Variants in ITPR1 observed in about 807,000 individuals in gnomAD.
ITPR1 encodes the protein inositol 1,4,5-trisphosphate-gated calcium channel ITPR1.
Under a neutral mutation model 318.4 loss-of-function variants are expected in ITPR1, and 96 were observed. The ratio of observed to expected loss-of-function variants is 0.30; its 90% CI spans 0.26 to 0.36. The LOEUF (loss-of-function observed/expected upper bound fraction) is 0.36, where lower values mean the gene tolerates loss of function less well. ITPR1 is among the 10% of genes least tolerant of loss of function. ITPR1 has a pLI of 1.00. For synonymous variants in ITPR1, 1,312 were observed against 1,289.9 expected, an observed-to-expected ratio of 1.02 and a Z score of -0.37; for missense variants, 2,440 against 3,460.2, an observed-to-expected ratio of 0.71 and a Z score of 7.40.
chr3:4,613,314 T>C (rs555281930), intron 4 of ITPR1, among the ~76,000 whole-genome samples: 1 of 152,328 alleles, frequency 6.6e-6, no homozygotes, highest in Admixed American at 6.5e-5. Context: ...CAATCAGATA[T>C]ACATTTGTCT....
At chr3:4,691,442 G>T in intron 32 of ITPR1, 98 bp downstream of exon 32, 1 of 779,412 alleles carries the variant, frequency 1.3e-6, no homozygotes. Context: ...CTCTTCAGGA[G>T]CCATACAGAA....
At chr3:4,536,080 C>G (rs2083844375) in intron 4 of ITPR1, among the ~76,000 whole-genome samples, 1 of 152,084 alleles carries the variant, frequency 6.6e-6, no homozygotes, top group Non-Finnish European at 1.5e-5. Context: ...AATTTCAGGA[C>G]AAAGAGGTTT....
chr3:4,834,050 C>T (rs1181949199), intron 60 of ITPR1, among the ~76,000 whole-genome samples: 3 of 152,142 alleles, frequency 2.0e-5, no homozygotes, highest in Non-Finnish European at 4.4e-5. Flanking sequence ...CACCACCACA[C>T]CGAGCTAATT....
chr3:4,813,621 C>A (rs1358064858), intron 57 of ITPR1, among the ~76,000 whole-genome samples: 2 of 151,980 alleles, frequency 1.3e-5, no homozygotes, highest in Non-Finnish European at 2.9e-5. Context: ...AAAGTGATAT[C>A]CAAACTATAA....
intron 4 of ITPR1, among the ~76,000 whole-genome samples, chr3:4,564,821 G>A (rs1024184691): frequency 6.6e-6 from 1 of 152,160 alleles, no homozygotes; most frequent in East Asian, 1.9e-4. Flanking sequence ...CTGAGCGACT[G>A]AGGGTTAGGA....
intron 40 of ITPR1, among the ~76,000 whole-genome samples, 176 bp from the exon 41 acceptor site, chr3:4,725,370 G>T (rs1289007585): frequency 6.6e-6 from 1 of 152,008 alleles, no homozygotes; most frequent in Non-Finnish European, 1.5e-5. Context: ...AGTTTGATTT[G>T]AAGGTATCTG....
rs1192769249 is a variant in ITPR1, at chr3:4,670,707, CCCT to C, written c.2007-14_2007-12del. The C allele has an allele frequency of 5.3e-6, 8 of 1,500,290 alleles. No individual in the cohort carries two copies. The Admixed American group carries it at 1.2e-4, about 22-fold the overall frequency. The allele number at this position is 1,500,290 out of a possible 1,614,324, so 92.9% of individuals were successfully genotyped here. A position where few individuals can be genotyped will look rare whatever the true frequency, so the allele number is the denominator to read the frequency against. Reference sequence around the variant, plus strand: ...AGTATTTTTAAAAATAGTAACTTTTCCCTCCTCCTCTTGTTTTCTAGGTTGGTT... The same window carrying C: ...AGTATTTTTAAAAATAGTAACTTTTCCCTCCTCTTGTTTTCTAGGTTGGTT... On this transcript the variant is annotated intron_variant, in intron 19 of 61. Coordinates refer to ENST00000649015, the MANE Select transcript of ITPR1 (RefSeq NM_001378452.1).
intron 5 of ITPR1, among the ~76,000 whole-genome samples, chr3:4,630,715 A>G (rs1204859144): frequency 6.6e-6 from 1 of 151,864 alleles, no homozygotes; most frequent in African/African-American, 2.4e-5. Context: ...CCTCCCAAGT[A>G]GATGGAATTA....
intron 4 of ITPR1, among the ~76,000 whole-genome samples, chr3:4,574,480 C>G (rs2088405957): frequency 6.6e-6 from 1 of 152,212 alleles, no homozygotes; most frequent in Admixed American, 6.5e-5. Context: ...TCTCCTCTTA[C>G]TCTCCTTGTA....
intron 12 of ITPR1, among the ~76,000 whole-genome samples, chr3:4,655,125 C>A (rs2093677243): frequency 6.6e-6 from 1 of 152,172 alleles, no homozygotes; most frequent in Non-Finnish European, 1.5e-5. Context: ...ATTGTTTGAA[C>A]ACTTGGACTG....
At chr3:4,534,688 C>A (rs1298791630) in intron 4 of ITPR1, among the ~76,000 whole-genome samples, 2 of 152,136 alleles carry the variant, frequency 1.3e-5, no homozygotes, top group East Asian at 3.8e-4. Context: ...AATTTGGGTG[C>A]TTCTGAAATG....
intron 10 of ITPR1, among the ~76,000 whole-genome samples, chr3:4,650,562 CTTTTT>C (rs1301467707): frequency 1.4e-5 from 2 of 142,918 alleles, no homozygotes; most frequent in Admixed American, 7.0e-5. Context: ...AAAGATTTTT[CTTTTT>C]TATTTCTAGT....
chr3:4,556,417 C>T (rs541462800), intron 4 of ITPR1, among the ~76,000 whole-genome samples: 6 of 152,226 alleles, frequency 3.9e-5, no homozygotes, highest in Non-Finnish European at 5.9e-5. Context: ...ACTGAAGTAT[C>T]GTACAGAATA....
intron 16 of ITPR1, 143 bp from the exon 17 acceptor site, chr3:4,664,995 C>A: frequency 1.3e-6 from 1 of 780,198 alleles, no homozygotes. Context: ...GGGCTGAATG[C>A]AGTGTTCAGG....
At chr3:4,725,206 C>G (rs911702566) in intron 40 of ITPR1, among the ~76,000 whole-genome samples, 3 of 151,958 alleles carry the variant, frequency 2.0e-5, no homozygotes, top group Non-Finnish European at 2.9e-5. Flanking sequence ...TCTCGGTGGA[C>G]TGAGACAAGG....
chr3:4,775,429 G>A lies in ITPR1; in HGVS notation c.6167G>A (p.Cys2056Tyr). The A allele has an allele frequency of 6.2e-7, 1 of 1,611,644 alleles. No individual in the cohort carries two copies. The highest frequency in any genetic ancestry group is 8.5e-7 in the Non-Finnish European group (1 of 1,178,924). Residue 2056 changes from cysteine (C) to tyrosine (Y), a missense_variant, in exon 47 of 62, where the codon TGC becomes TAC. Coordinates refer to ENST00000649015, the MANE Select transcript of ITPR1 (RefSeq NM_001378452.1). ...ESLTEYCQGPCHENQNCIATH... is the reference protein window; with the variant it reads ...ESLTEYCQGPYHENQNCIATH... ...CTGACCGAATACTGTCAAGGACCTT[G>A]CCATGAGAACCAGGTAATTAAATTT... is the stretch of plus-strand genomic sequence containing the variant.
chr3:4,725,676 GTCTC>G (rs990602113), intron 41 of ITPR1, 95 bp downstream of exon 41: 2 of 1,100,244 alleles, frequency 1.8e-6, no homozygotes, highest in African/African-American at 3.0e-5. Context: ...GTAACAAAAA[GTCTC>G]TCCCGGTGGT....
intron 44 of ITPR1, among the ~76,000 whole-genome samples, chr3:4,745,893 T>C (rs2044069420): frequency 6.6e-6 from 1 of 152,226 alleles, no homozygotes; most frequent in East Asian, 1.9e-4. Context: ...ATACCCAAGC[T>C]AGAAGCTTTG....
At chr3:4,675,315 A>C in intron 23 of ITPR1, 67 bp downstream of exon 23, 1 of 1,134,830 alleles carries the variant, frequency 8.8e-7, no homozygotes, top group Non-Finnish European at 1.3e-6. Flanking sequence ...TGCTCATGTC[A>C]TACCCTATAT....
Sources: allele counts gnomAD v4.1 joint callset (sites outside exome capture counted in the v4.1 genomes callset), GRCh38; gene constraint gnomAD v4.1.1; transcripts MANE v1.5; gene names NCBI Gene and HGNC (gene_info 2026-07-23, HGNC 2026-07-21).